The following DDR2 variants were observed in gnomAD, a reference collection of about 807,000 sequenced individuals.
DDR2 encodes the protein discoidin domain receptor tyrosine kinase 2.
A neutral mutation model predicts 94.9 loss-of-function variants in DDR2; 27 were observed. The ratio of observed to expected loss-of-function variants is 0.28; its 90% CI spans 0.21 to 0.39. DDR2 has a LOEUF of 0.39. Ranked by LOEUF, DDR2 falls within the 10% of genes least tolerant of loss-of-function variation. The pLI is 1.00. For missense variants in DDR2, 783 were observed against 1,076.0 expected (o/e 0.73, Z 3.81); for synonymous variants, 382 against 377.2 (o/e 1.01, Z -0.15).
At chr1:162,634,016 C>T (rs2101877271) in intron 1 of DDR2, among the ~76,000 whole-genome samples, 1 of 152,262 alleles carries the variant, frequency 6.6e-6, no homozygotes, top group South Asian at 2.1e-4. Context: ...GACTCTAAAA[C>T]CTATGCTTGG....
intron 3 of DDR2, among the ~76,000 whole-genome samples, chr1:162,724,986 C>A (rs1297924089): frequency 1.3e-5 from 2 of 152,086 alleles, no homozygotes; most frequent in African/African-American, 2.4e-5. Context: ...AGTAAAAGAG[C>A]CTTTCTCTGG....
At chr1:162,773,413 T>A (rs558095264) in intron 13 of DDR2, 56 bp from the exon 14 acceptor site, 28 of 1,608,166 alleles carry the variant, frequency 1.7e-5, no homozygotes, top group Non-Finnish European at 2.0e-5. Flanking sequence ...CCAGCAAGAG[T>A]ACTGAGACAT....
intron 3 of DDR2, among the ~76,000 whole-genome samples, chr1:162,745,678 A>G (rs1475581136): frequency 5.9e-5 from 9 of 151,772 alleles, no homozygotes; most frequent in Admixed American, 3.3e-4. Context: ...CTATTGGTCT[A>G]TATGTCTGTT....
At chr1:162,779,463 A>T (rs2102209317) in intron 17 of DDR2, among the ~76,000 whole-genome samples, 1 of 152,312 alleles carries the variant, frequency 6.6e-6, no homozygotes, top group South Asian at 2.1e-4. Flanking sequence ...AGCTGGGGGA[A>T]GGATCTTGCA....
chr1:162,667,531 G>A lies in DDR2; in HGVS notation c.-28+12157G>A, dbSNP rs529305456. ...AGGGAGCAGGCAGTCACACTAAATT[G>A]TAGAAAAGAACAAACACACACACAC... is the stretch of plus-strand genomic sequence containing the variant. On this transcript the variant is annotated intron_variant, in intron 2 of 17. Coordinates refer to ENST00000367921, the MANE Select transcript of DDR2 (RefSeq NM_006182.4). 2.3e-4 allele frequency among the ~76,000 whole-genome samples: 35 copies of A among 152,272 alleles called. No homozygotes were observed. The South Asian group carries it at 7.2e-3, about 32-fold the overall frequency.
chr1:162,682,196 A>G (rs1172320917), intron 2 of DDR2, among the ~76,000 whole-genome samples: 2 of 152,152 alleles, frequency 1.3e-5, no homozygotes, highest in East Asian at 3.9e-4. Context: ...CTGGAGCTGG[A>G]CACTGCTGCT....
At chr1:162,648,677 T>C (rs1414521815) in intron 1 of DDR2, among the ~76,000 whole-genome samples, 1 of 151,896 alleles carries the variant, frequency 6.6e-6, no homozygotes, top group East Asian at 1.9e-4. Flanking sequence ...GTAGTCCAGA[T>C]GTGAAGGGAC....
At chr1:162,676,899 T>A (rs1659155878) in intron 2 of DDR2, among the ~76,000 whole-genome samples, 1 of 152,194 alleles carries the variant, frequency 6.6e-6, no homozygotes, top group African/African-American at 2.4e-5. Context: ...AGACTTCCCT[T>A]CCCTGTGATG....
At chr1:162,705,486 T>A (rs906119577) in intron 2 of DDR2, among the ~76,000 whole-genome samples, 1 of 152,202 alleles carries the variant, frequency 6.6e-6, no homozygotes, top group Admixed American at 6.5e-5. Context: ...TAATACAGTA[T>A]GTGCCTGGGC....
chr1:162,756,488 T>A (rs1416782341), intron 7 of DDR2, among the ~76,000 whole-genome samples: 9 of 152,220 alleles, frequency 5.9e-5, no homozygotes. Flanking sequence ...ACTTCAAGCC[T>A]TTAAGCCTTG....
At chr1:162,703,745 C>T (rs908649507) in intron 2 of DDR2, among the ~76,000 whole-genome samples, 1 of 152,186 alleles carries the variant, frequency 6.6e-6, no homozygotes, top group African/African-American at 2.4e-5. Flanking sequence ...GTCACATAAG[C>T]TCCCCTTATG....
chr1:162,723,088 A>G (rs1661492515), intron 3 of DDR2, among the ~76,000 whole-genome samples: 1 of 152,210 alleles, frequency 6.6e-6, no homozygotes. Context: ...TGAATGCAGA[A>G]ACCCTGCCCC....
At chr1:162,731,803 G>A (rs1194711003) in intron 3 of DDR2, among the ~76,000 whole-genome samples, 2 of 152,250 alleles carry the variant, frequency 1.3e-5, no homozygotes, top group Admixed American at 6.5e-5. Flanking sequence ...TGAAGAAACC[G>A]AAGTTCATAG....
At chr1:162,750,483 C>G (rs1400857221) in intron 3 of DDR2, among the ~76,000 whole-genome samples, 9 of 152,000 alleles carry the variant, frequency 5.9e-5, no homozygotes, top group Non-Finnish European at 8.8e-5. Flanking sequence ...CACTGCTCAA[C>G]AAAGTAAAAG....
Position 162,783,655 on chromosome 1 carries a change from T to C in DDR2, c.*3409T>C, listed in dbSNP as rs1207109900. 2 of 152,140 alleles carry C rather than the reference T, an allele frequency of 1.3e-5. No homozygotes were observed. The highest frequency in any genetic ancestry group is 4.8e-5 in the African/African-American group (2 of 41,410). 9.4% of individuals were successfully genotyped at this position (152,140 alleles called of 1,614,324 possible). ...TGGAGAAAGAAGAAATTCTGGATGA[T>C]AGAGATGATAAAAATATTTATTAAG... On this transcript the variant is annotated 3_prime_UTR_variant, in exon 18 of 18. Coordinates refer to ENST00000367921, the MANE Select transcript of DDR2 (RefSeq NM_006182.4).
At chr1:162,639,501 A>G (rs545048370) in intron 1 of DDR2, among the ~76,000 whole-genome samples, 109 of 152,376 alleles carry the variant, frequency 7.2e-4, no homozygotes, top group African/African-American at 2.5e-3. Flanking sequence ...AGTGGATCAT[A>G]GACCAAAATG....
rs886192319 is a variant in DDR2, at chr1:162,655,200, CTT to C, written c.-191-7_-191-6del. 2.0e-5 allele frequency: 3 copies of C among 152,174 alleles called. No homozygotes were observed. Among genetic ancestry groups the C allele is most frequent in the African/African-American group, 7.2e-5 (3 of 41,444 alleles). The allele number at this position is 152,174 out of a possible 1,614,324, so 9.4% of individuals were successfully genotyped here. A position where few individuals can be genotyped will look rare whatever the true frequency, so the allele number is the denominator to read the frequency against. ...AGTCTATAATAAAATATTGCTTTCT[CTT>C]TTTCCCAGCCTCCATCAAGGGAGAC... On this transcript the variant is annotated splice_polypyrimidine_tract_variant and intron_variant, in intron 1 of 17. Coordinates refer to ENST00000367921, the MANE Select transcript of DDR2 (RefSeq NM_006182.4).
At chr1:162,668,920 T>A (rs7534237) in intron 2 of DDR2, among the ~76,000 whole-genome samples, 1 of 152,156 alleles carries the variant, frequency 6.6e-6, no homozygotes, top group Non-Finnish European at 1.5e-5. Flanking sequence ...GGTAGGGATG[T>A]GGAGAGATTT....
At chr1:162,741,535 C>A in intron 3 of DDR2, 1 of 961,348 alleles carries the variant, frequency 1.0e-6, no homozygotes, top group Non-Finnish European at 1.2e-6. Context: ...CAAAGATAAG[C>A]CATGGGACAG....
Sources: allele counts gnomAD v4.1 joint callset (sites outside exome capture counted in the v4.1 genomes callset), GRCh38; gene constraint gnomAD v4.1.1; transcripts MANE v1.5; gene names NCBI Gene and HGNC (gene_info 2026-07-23, HGNC 2026-07-21).